Variants in TBC1D9B observed in about 807,000 individuals in gnomAD.
The protein encoded by TBC1D9B is TBC1 domain family member 9B.
A neutral mutation model predicts 121.1 loss-of-function variants in TBC1D9B; 87 were observed. The ratio of observed to expected loss-of-function variants is 0.72; its 90% CI spans 0.60 to 0.86. The LOEUF is 0.86. Among genes scored for constraint, TBC1D9B ranks in the 40% least tolerant of loss-of-function variants. The pLI, the probability that TBC1D9B is intolerant of heterozygous loss-of-function variation, is 0.00. For missense variants in TBC1D9B, 1,540 were observed against 1,628.6 expected, an observed-to-expected ratio of 0.95 and a Z score of 0.94; for synonymous variants, 668 against 670.1, an observed-to-expected ratio of 1.00 and a Z score of 0.05.
At chr5:179,877,789 A>T (rs74356270) in intron 10 of TBC1D9B, among the ~76,000 whole-genome samples, 1 of 152,330 alleles carries the variant, frequency 6.6e-6, no homozygotes, top group African/African-American at 2.4e-5. Flanking sequence ...TATCTTGCTA[A>T]GTGAAATAAG....
intron 2 of TBC1D9B, among the ~76,000 whole-genome samples, chr5:179,901,770 A>G (rs2113650542): frequency 6.6e-6 from 1 of 152,360 alleles, no homozygotes; most frequent in East Asian, 1.9e-4. Context: ...CGCCTCAAAA[A>G]AACATTTCTT....
Position 179,895,488 on chromosome 5 carries a change from C to T in TBC1D9B, c.349-874G>A, listed in dbSNP as rs562197052. On this transcript the variant is annotated intron_variant, in intron 3 of 20. Coordinates refer to ENST00000355235, the MANE Select transcript of TBC1D9B (RefSeq NM_015043.4). Reference sequence around the variant, plus strand: ...TGCCAGGGGGCTCCTGCCTCTTGGCCCTGCACACAAACCAGCGGCAGGACC... The same window carrying T: ...TGCCAGGGGGCTCCTGCCTCTTGGCTCTGCACACAAACCAGCGGCAGGACC... Among the ~76,000 whole-genome samples the T allele has an allele frequency of 2.6e-5, 4 of 152,256 alleles. No homozygotes were observed. The East Asian group carries it at 5.8e-4, about 22-fold the overall frequency.
chr5:179,869,966 A>T, intron 16 of TBC1D9B, 132 bp from the exon 17 acceptor site: 1 of 992,702 alleles, frequency 1.0e-6, no homozygotes, highest in Non-Finnish European at 1.4e-6. Context: ...GGTGAGTCCC[A>T]GATCTCCTGT....
intron 4 of TBC1D9B, among the ~76,000 whole-genome samples, chr5:179,894,137 G>C (rs1268295202): frequency 1.3e-5 from 2 of 152,228 alleles, no homozygotes; most frequent in African/African-American, 2.4e-5. Flanking sequence ...TTCAGCAGAA[G>C]AGGGCAGGGC....
intron 16 of TBC1D9B, 150 bp from the exon 17 acceptor site, chr5:179,869,984 G>A: frequency 1.1e-6 from 1 of 943,624 alleles, no homozygotes; most frequent in Non-Finnish European, 1.5e-6. Context: ...TGTCTCCCTG[G>A]CGTCCTGCTG....
chr5:179,879,226 G>A (rs1321475902), intron 8 of TBC1D9B, 29 bp from the exon 9 acceptor site: 3 of 1,589,002 alleles, frequency 1.9e-6, no homozygotes, highest in Non-Finnish European at 8.5e-7. Context: ...AGGGAGCCTG[G>A]GGGCCGAAGC....
At chr5:179,900,548 G>A (rs1292661094) in intron 2 of TBC1D9B, among the ~76,000 whole-genome samples, 1 of 152,146 alleles carries the variant, frequency 6.6e-6, no homozygotes, top group African/African-American at 2.4e-5. Context: ...AGGTGGCCGC[G>A]AACACTGAGT....
rs776414875 is a variant in TBC1D9B, at chr5:179,870,396, T to C, written c.2584A>G (p.Ser862Gly). Residue 862 changes from serine to glycine, a missense_variant, in exon 16 of 21, where the codon AGC becomes GGC. By Grantham distance (56) the Ser-to-Gly change is moderately conservative (BLOSUM62 0). Transcript: ENST00000355235. Reference sequence around the variant, plus strand: ...CTGGCAAAGAGTTCCCGGAACTGGCTGGCATCAATCCGGTACTGCTCCAGG... The same window carrying C: ...CTGGCAAAGAGTTCCCGGAACTGGCCGGCATCAATCCGGTACTGCTCCAGG... ...PYLEQYRIDA[S>G]QFRELFASLT... 29 of 1,613,644 alleles carry C rather than the reference T, an allele frequency of 1.8e-5. No homozygotes were observed. The highest frequency in any genetic ancestry group is 2.4e-5 in the Non-Finnish European group (28 of 1,180,036).
intron 3 of TBC1D9B, among the ~76,000 whole-genome samples, chr5:179,898,029 A>T (rs1269602897): frequency 6.6e-6 from 1 of 152,058 alleles, no homozygotes; most frequent in Non-Finnish European, 1.5e-5. Flanking sequence ...AGACATATAC[A>T]TTCAGGCCAG....
intron 5 of TBC1D9B, among the ~76,000 whole-genome samples, chr5:179,892,448 G>A (rs1760893288): frequency 6.6e-6 from 1 of 152,256 alleles, no homozygotes; most frequent in African/African-American, 2.4e-5. Context: ...GAATCTGGCT[G>A]TGGTCAGGCT....
Position 179,865,372 on chromosome 5 carries a change from G to A in TBC1D9B, c.2915-12C>T. 1 of 1,612,774 alleles carries A rather than the reference G, an allele frequency of 6.2e-7. No homozygotes were observed. Among genetic ancestry groups the A allele is most frequent in the Non-Finnish European group, 8.5e-7 (1 of 1,178,932 alleles). On this transcript the variant is annotated splice_polypyrimidine_tract_variant and intron_variant, in intron 19 of 20. Coordinates refer to ENST00000355235, the MANE Select transcript of TBC1D9B (RefSeq NM_015043.4). The surrounding 1 kb of genome is among the most constrained non-coding windows in gnomAD (Gnocchi z 5.1). ...GGTCCCCTTCTCCTCTGCAGGTTAGGAGGAAAGAGATTAATCTTTGTCATG... is the reference window on the plus strand; with the variant it reads ...GGTCCCCTTCTCCTCTGCAGGTTAGAAGGAAAGAGATTAATCTTTGTCATG...
rs1760261770 is a variant in TBC1D9B, at chr5:179,873,392, C to G, written c.2187-144G>C. ...GAGGACTGGGCACCCTGCAGGAGGGCAGAGGTGTGCCCTGGCAGCGCCCCC... is the reference window on the plus strand; with the variant it reads ...GAGGACTGGGCACCCTGCAGGAGGGGAGAGGTGTGCCCTGGCAGCGCCCCC... On this transcript the variant is annotated intron_variant, in intron 12 of 20. Transcript: ENST00000355235. 15 of 1,296,050 alleles carry G rather than the reference C, an allele frequency of 1.2e-5. No homozygotes were observed. The South Asian group carries it at 2.3e-4, about 20-fold the overall frequency. The allele number at this position is 1,296,050 out of a possible 1,614,324, so 80.3% of individuals were successfully genotyped here.
At position 179,874,237 on chromosome 5, in the gene TBC1D9B, C is replaced by G. The variant is rs541155908; in HGVS notation, c.2186+665G>C. ...TTGTACAGAGGACCCAGGGAAGGGG[C>G]AGGGCCAGGTCTGATCAGAGTCATG... On this transcript the variant is annotated intron_variant, in intron 12 of 20. Coordinates refer to ENST00000355235, the MANE Select transcript of TBC1D9B (RefSeq NM_015043.4). This position sits in a 1 kb window ranked among gnomAD's most constrained non-coding sequence, Gnocchi z 4.3. Among the ~76,000 whole-genome samples, 23 of 152,190 alleles carry G rather than the reference C, an allele frequency of 1.5e-4. No individual in the cohort carries two copies. Among genetic ancestry groups the G allele is most frequent in the African/African-American group, 5.3e-4 (22 of 41,532 alleles).
chr5:179,904,883 G>T lies in TBC1D9B; in HGVS notation c.119-71C>A. ...CTGAGGCCCCTGAAGGCTGAGTCTG[G>T]CCGGAGGCAGACAGGATGGTGACGC... On this transcript the variant is annotated intron_variant, in intron 1 of 20. Coordinates refer to ENST00000355235, the MANE Select transcript of TBC1D9B (RefSeq NM_015043.4). This position sits in a 1 kb window ranked among gnomAD's most constrained non-coding sequence, Gnocchi z 4.2. 8.1e-7 allele frequency: 1 copy of T among 1,230,822 alleles called. No individual in the cohort carries two copies. The highest frequency in any genetic ancestry group is 1.1e-6 in the Non-Finnish European group (1 of 884,870). 76.2% of individuals were successfully genotyped at this position (1,230,822 alleles called of 1,614,324 possible). A position where few individuals can be genotyped will look rare whatever the true frequency, so the allele number is the denominator to read the frequency against.
Position 179,893,475 on chromosome 5 carries a change from C to T in TBC1D9B, c.578-8G>A. Reference sequence around the variant, plus strand: ...ACTGCACCACGAGGCTCACTGTGCCCACAGAGATAGACACACCGCAAGTTA... The same window carrying T: ...ACTGCACCACGAGGCTCACTGTGCCTACAGAGATAGACACACCGCAAGTTA... On this transcript the variant is annotated splice_polypyrimidine_tract_variant and splice_region_variant and intron_variant, in intron 4 of 20. Coordinates refer to ENST00000355235, the MANE Select transcript of TBC1D9B (RefSeq NM_015043.4). 1 of 1,591,720 alleles carries T rather than the reference C, an allele frequency of 6.3e-7. No homozygotes were observed. The highest frequency in any genetic ancestry group is 8.6e-7 in the Non-Finnish European group (1 of 1,166,888).
chr5:179,889,099 A>G (rs1373781050), intron 6 of TBC1D9B, among the ~76,000 whole-genome samples: 3 of 151,168 alleles, frequency 2.0e-5, no homozygotes, highest in African/African-American at 4.9e-5. Flanking sequence ...GTGCGATCTC[A>G]GCTCACTGCA....
intron 6 of TBC1D9B, among the ~76,000 whole-genome samples, chr5:179,889,423 G>A: frequency 6.7e-6 from 1 of 148,670 alleles, no homozygotes; most frequent in African/African-American, 2.6e-5. Context: ...AGGCCTCACA[G>A]GTCACAGGAG....
chr5:179,892,988 C>T (rs934138083), intron 5 of TBC1D9B, among the ~76,000 whole-genome samples: 2 of 152,250 alleles, frequency 1.3e-5, no homozygotes, highest in Non-Finnish European at 2.9e-5. Flanking sequence ...AGAGCTTCCT[C>T]CCCATTAGTG....
intron 18 of TBC1D9B, chr5:179,867,427 T>A: frequency 1.3e-6 from 2 of 1,550,824 alleles, no homozygotes; most frequent in Non-Finnish European, 1.7e-6. Context: ...GGGGCGCCCC[T>A]GCCTTCCAGG....
Sources: allele counts gnomAD v4.1 joint callset (sites outside exome capture counted in the v4.1 genomes callset), GRCh38; gene constraint gnomAD v4.1.1; non-coding constraint Gnocchi (gnomAD v3.1); transcripts MANE v1.5; gene names NCBI Gene and HGNC (gene_info 2026-07-23, HGNC 2026-07-21).